WT1: variants seen among roughly 807,000 people sequenced by gnomAD.
WT1 encodes WT1 transcription factor.
Under a neutral mutation model 60.8 loss-of-function variants are expected in WT1, and 8 were observed. The observed-to-expected ratio is 0.13, with a 90% CI of 0.08 to 0.24. The LOEUF (loss-of-function observed/expected upper bound fraction) is 0.24. Ranked by LOEUF, WT1 falls within the 10% of genes least tolerant of loss-of-function variation. WT1 has a pLI of 1.00. For missense variants in WT1, 568 were observed against 711.8 expected, an observed-to-expected ratio of 0.80 and a Z score of 2.30; for synonymous variants, 312 against 297.1, an observed-to-expected ratio of 1.05 and a Z score of -0.52.
rs1852095690 is a variant in WT1 at position 32,399,928 on chromosome 11, G to A, written c.1113+20C>T. ...AGGCAGTGCGGCCCCCTTCCCGCTG[G>A]GGCCTGTCTGTGTGCTCACCTGAAT... is the stretch of plus-strand genomic sequence containing the variant. On this transcript the variant is annotated intron_variant, in intron 6 of 9. Transcript: ENST00000452863. 7 of 1,613,566 alleles carry A rather than the reference G, an allele frequency of 4.3e-6. No homozygotes were observed. The highest frequency in any genetic ancestry group is 2.7e-5 in the African/African-American group (2 of 74,922).
At chr11:32,398,058 T>C (rs992632885) in intron 6 of WT1, among the ~76,000 whole-genome samples, 1 of 152,204 alleles carries the variant, frequency 6.6e-6, no homozygotes. Flanking sequence ...TGAAGGATTC[T>C]GATTGTATTC....
intron 6 of WT1, among the ~76,000 whole-genome samples, chr11:32,399,693 C>A (rs1160092462): frequency 6.6e-6 from 1 of 152,200 alleles, no homozygotes; most frequent in African/African-American, 2.4e-5. Flanking sequence ...TCAAATGGAG[C>A]AGTAAAGGCA....
At chr11:32,411,881 A>G (rs1226323965) in intron 5 of WT1, among the ~76,000 whole-genome samples, 2 of 151,680 alleles carry the variant, frequency 1.3e-5, no homozygotes, top group South Asian at 2.1e-4. Flanking sequence ...GGCAATAATA[A>G]AGAAAAAAAA....
chr11:32,425,430 T>C (rs1256060723), intron 3 of WT1, among the ~76,000 whole-genome samples: 1 of 151,932 alleles, frequency 6.6e-6, no homozygotes, highest in Non-Finnish European at 1.5e-5. Flanking sequence ...TTTTTTATGC[T>C]TCTTCAACCA....
chr11:32,429,113 T>C, intron 1 of WT1: 1 of 263,564 alleles, frequency 3.8e-6, no homozygotes, highest in Non-Finnish European at 7.5e-6. Flanking sequence ...GCCAGTTAAA[T>C]GGCCTGGTCT....
chr11:32,408,513 T>TA, intron 5 of WT1, among the ~76,000 whole-genome samples: 1 of 39,816 alleles, frequency 2.5e-5, no homozygotes, highest in Non-Finnish European at 3.9e-5. Flanking sequence ...AGACTACGTC[T>TA]TAAAAAAAAA....
At chr11:32,430,474 G>C (rs1239971828) in intron 1 of WT1, 18 of 1,566,548 alleles carry the variant, frequency 1.1e-5, no homozygotes, top group Non-Finnish European at 1.5e-5. Context: ...GAGAGAGAGA[G>C]AGAGAGAGAG....
chr11:32,413,734 G>A (rs1177163942), intron 5 of WT1, among the ~76,000 whole-genome samples: 1 of 152,240 alleles, frequency 6.6e-6, no homozygotes, highest in Admixed American at 6.5e-5. Flanking sequence ...TATGTTGTGT[G>A]TGTGTATGTG....
intron 3 of WT1, among the ~76,000 whole-genome samples, chr11:32,425,429 CT>C (rs375350014): frequency 1.0e-3 from 157 of 152,252 alleles, no homozygotes; most frequent in African/African-American, 3.6e-3. Flanking sequence ...ATTTTTTATG[CT>C]TCTTCAACCA....
intron 8 of WT1, 119 bp downstream of exon 8, chr11:32,392,547 C>T: frequency 2.0e-6 from 2 of 1,005,360 alleles, no homozygotes; most frequent in Non-Finnish European, 3.1e-6. Context: ...GGGGAAAATA[C>T]TGGAAAAACT....
chr11:32,396,483 G>A, intron 6 of WT1, 76 bp from the exon 7 acceptor site: 1 of 1,589,036 alleles, frequency 6.3e-7, no homozygotes, highest in Non-Finnish European at 8.5e-7. Flanking sequence ...GGGAGAGTGA[G>A]CACTGGAGTA....
intron 7 of WT1, among the ~76,000 whole-genome samples, chr11:32,395,528 G>A (rs1175691509): frequency 6.6e-6 from 1 of 150,506 alleles, no homozygotes; most frequent in Admixed American, 6.6e-5. Flanking sequence ...CTGGAGTACA[G>A]TGGTAAGATC....
In WT1 at chr11:32,435,503, T is replaced by G; in HGVS notation, c.-143A>C. Reference sequence around the variant, plus strand: ...GGTCGGGTTGCGGAGAGCCCCCGGGTGTGGGCGCTGCCTTGAACTCCTTAC... The same window carrying G: ...GGTCGGGTTGCGGAGAGCCCCCGGGGGTGGGCGCTGCCTTGAACTCCTTAC... On this transcript the variant is annotated 5_prime_UTR_variant, in exon 1 of 10. Transcript: ENST00000452863. The G allele has an allele frequency of 7.5e-7, 1 of 1,324,686 alleles. No homozygotes were observed. Among genetic ancestry groups the G allele is most frequent in the Non-Finnish European group, 1.0e-6 (1 of 979,752 alleles). 82.1% of individuals were successfully genotyped at this position (1,324,686 alleles called of 1,614,324 possible).
intron 5 of WT1, 94 bp downstream of exon 5, chr11:32,416,396 A>G (rs1026483787): frequency 4.0e-6 from 6 of 1,506,826 alleles, no homozygotes; most frequent in Non-Finnish European, 4.6e-6. Context: ...TGCTACCCTG[A>G]TTACCCACGT....
chr11:32,389,282 T>C, intron 9 of WT1, 103 bp from the exon 10 acceptor site: 2 of 1,590,514 alleles, frequency 1.3e-6, no homozygotes, highest in Non-Finnish European at 1.7e-6. Flanking sequence ...CCACTCTGAA[T>C]TTCCCATCAT....
intron 5 of WT1, among the ~76,000 whole-genome samples, chr11:32,408,514 T>TAAAAAAAAAAAAAAA (rs58685266): frequency 1.5e-3 from 109 of 74,124 alleles, no homozygotes; most frequent in Middle Eastern, 0.017. Flanking sequence ...GACTACGTCT[T>TAAAAAAAAAAAAAAA]AAAAAAAAAA....
At chr11:32,433,317 C>T (rs1239953752) in intron 1 of WT1, among the ~76,000 whole-genome samples, 2 of 152,202 alleles carry the variant, frequency 1.3e-5, no homozygotes, top group African/African-American at 2.4e-5. Context: ...GGACAGTGAT[C>T]CCAGATTCTC....
chr11:32,417,725 A>G, intron 3 of WT1, 71 bp from the exon 4 acceptor site: 1 of 1,370,820 alleles, frequency 7.3e-7, no homozygotes, highest in Non-Finnish European at 1.0e-6. Context: ...TTCAAAAGCA[A>G]TGGAGTTTTA....
At chr11:32,432,904 T>C (rs1369271425) in intron 1 of WT1, among the ~76,000 whole-genome samples, 5 of 152,224 alleles carry the variant, frequency 3.3e-5, no homozygotes, top group Non-Finnish European at 7.3e-5. Context: ...GGGCATGGAT[T>C]CGATGGTTTC....
Sources: gnomAD v4.1 joint callset for allele counts (sites outside exome capture counted in the v4.1 genomes callset) on GRCh38, gnomAD v4.1.1 for gene constraint, MANE v1.5 for transcripts, NCBI Gene and HGNC (gene_info 2026-07-23, HGNC 2026-07-21) for gene names.